Variants in NCALD observed in about 807,000 individuals in gnomAD.
NCALD encodes the protein neurocalcin-delta.
NCALD carries 10 observed loss-of-function variants against 18.6 expected under a neutral mutation model. The observed-to-expected ratio is 0.54, with a 90% CI of 0.33 to 0.91. The LOEUF is 0.91. Among genes scored for constraint, NCALD ranks in the 40% least tolerant of loss-of-function variants. NCALD has a pLI of 0.03. For missense variants in NCALD, 184 were observed against 247.6 expected, an observed-to-expected ratio of 0.74 and a Z score of 1.72; for synonymous variants, 88 against 87.4, an observed-to-expected ratio of 1.01 and a Z score of -0.04.
At chr8:101,960,268 T>C (rs1819789275) in intron 2 of NCALD, among the ~76,000 whole-genome samples, 1 of 152,274 alleles carries the variant, frequency 6.6e-6, no homozygotes, top group East Asian at 1.9e-4. Context: ...AAAAAACTCA[T>C]TGAAGTAGCT....
intron 2 of NCALD, among the ~76,000 whole-genome samples, chr8:101,956,598 GGAGA>G (rs146847752): frequency 6.6e-6 from 1 of 151,310 alleles, no homozygotes; most frequent in Non-Finnish European, 1.5e-5. Flanking sequence ...AGAGGGAGGT[GGAGA>G]GAGAGAGAGA....
intron 2 of NCALD, among the ~76,000 whole-genome samples, chr8:101,944,219 C>T (rs1819078291): frequency 6.6e-6 from 1 of 152,186 alleles, no homozygotes; most frequent in African/African-American, 2.4e-5. Flanking sequence ...GTCTTTGTCA[C>T]GGGCAAGTCC....
At chr8:101,808,894 A>AGG (rs1479994784) in intron 4 of NCALD, among the ~76,000 whole-genome samples, 4 of 152,028 alleles carry the variant, frequency 2.6e-5, no homozygotes, top group Non-Finnish European at 4.4e-5. Flanking sequence ...AAAGAGAGAG[A>AGG]GGGAGAGAGA....
intron 1 of NCALD, among the ~76,000 whole-genome samples, chr8:101,739,322 T>C (rs1810083117): frequency 6.6e-6 from 1 of 152,206 alleles, no homozygotes; most frequent in Non-Finnish European, 1.5e-5. Flanking sequence ...CTCTACATTT[T>C]GGGTTGCCTT....
intron 2 of NCALD, among the ~76,000 whole-genome samples, chr8:101,702,076 G>C (rs1225245049): frequency 6.6e-6 from 1 of 152,040 alleles, no homozygotes; most frequent in Non-Finnish European, 1.5e-5. Flanking sequence ...GAGACAAGCA[G>C]GAGCCCCACG....
rs542685496 is a variant in NCALD, at chr8:102,002,829, C to T, written c.-157+17408G>A. 4.6e-4 allele frequency among the ~76,000 whole-genome samples: 70 copies of T among 152,060 alleles called. 1 individual carries two copies. In the Middle Eastern group the frequency reaches 0.014, roughly 30 times the overall value. On this transcript the variant is annotated intron_variant, in intron 2 of 6. Transcript: ENST00000311028. ...AAATAAAGATGTTCTTTGAAACCAA[C>T]GAGAACAAAGACACAACATACCAGA... is the stretch of plus-strand genomic sequence containing the variant.
chr8:101,906,501 G>A (rs1817616783), intron 3 of NCALD, among the ~76,000 whole-genome samples: 2 of 152,154 alleles, frequency 1.3e-5, no homozygotes, highest in African/African-American at 4.8e-5. Context: ...AAAACAAATG[G>A]GTGGGCCTGT....
intron 1 of NCALD, among the ~76,000 whole-genome samples, chr8:102,056,408 A>G (rs1456881412): frequency 1.3e-5 from 2 of 152,232 alleles, no homozygotes; most frequent in Admixed American, 6.5e-5. Flanking sequence ...TGGCGATAAT[A>G]TATGCCTCCC....
chr8:101,725,301 GA>G (rs1444894409), intron 1 of NCALD, among the ~76,000 whole-genome samples: 1 of 152,200 alleles, frequency 6.6e-6, no homozygotes, highest in Non-Finnish European at 1.5e-5. Flanking sequence ...ACAGACTGTG[GA>G]TAGACATGGC....
At chr8:101,765,853 A>G (rs540302304) in intron 1 of NCALD, among the ~76,000 whole-genome samples, 5 of 152,350 alleles carry the variant, frequency 3.3e-5, no homozygotes, top group Middle Eastern at 3.4e-3. Context: ...TTTGCTTAGC[A>G]TACAGATCTC....
rs530439992 is a variant in NCALD at position 101,692,778 on chromosome 8, C to T, written c.484+13G>A. 16 of 1,603,988 alleles carry T rather than the reference C, an allele frequency of 1.0e-5. No individual in the cohort carries two copies. In the Admixed American group the frequency reaches 2.3e-4, roughly 23 times the overall value. ...CCCCATCTGAGCAAAGCAGTGTAGC[C>T]CCCGCCTCCTACCGTCTCTATTGGT... On this transcript the variant is annotated intron_variant, in intron 3 of 3. Transcript: ENST00000220931.
At chr8:102,050,293 C>G (rs1262965329) in intron 1 of NCALD, among the ~76,000 whole-genome samples, 1 of 149,002 alleles carries the variant, frequency 6.7e-6, no homozygotes, top group African/African-American at 2.5e-5. Context: ...TTCTTCAAGT[C>G]TGTAACTTGT....
chr8:101,995,092 C>T (rs1040500866), intron 2 of NCALD, among the ~76,000 whole-genome samples: 1 of 152,134 alleles, frequency 6.6e-6, no homozygotes, highest in Non-Finnish European at 1.5e-5. Context: ...TTTATTATCT[C>T]TATTATGGTA....
chr8:101,695,231 G>T (rs1028791996), intron 2 of NCALD, among the ~76,000 whole-genome samples: 2 of 152,206 alleles, frequency 1.3e-5, no homozygotes, highest in African/African-American at 4.8e-5. Flanking sequence ...AGTTGCAGAG[G>T]TGTTGCGGGG....
rs182169452 is a variant in NCALD, at chr8:101,734,562, C to T, written c.-19-14914G>A. Among the ~76,000 whole-genome samples the T allele has an allele frequency of 2.9e-4, 44 of 152,252 alleles. No homozygotes were observed. In the East Asian group the frequency reaches 5.0e-3, roughly 17 times the overall value. The stretch of plus-strand genomic sequence containing the variant: ...CAAATTGACAATTTGTTGCCATTGA[C>T]GAGCATTTTATTTTGCTGTGGCGCC... On this transcript the variant is annotated intron_variant, in intron 1 of 3. Coordinates refer to ENST00000220931, the MANE Select transcript of NCALD (RefSeq NM_032041.3).
chr8:101,848,710 T>C (rs978016128), intron 4 of NCALD, among the ~76,000 whole-genome samples: 1 of 152,200 alleles, frequency 6.6e-6, no homozygotes, highest in African/African-American at 2.4e-5. Flanking sequence ...CAATATTAAC[T>C]TCAATTTTTT....
At chr8:102,074,717 A>G (rs1403273477) in intron 1 of NCALD, among the ~76,000 whole-genome samples, 1 of 152,062 alleles carries the variant, frequency 6.6e-6, no homozygotes, top group Non-Finnish European at 1.5e-5. Context: ...CTTCCACACA[A>G]TATTATTACT....
chr8:101,904,334 C>G (rs1472721028), intron 3 of NCALD, among the ~76,000 whole-genome samples: 1 of 152,152 alleles, frequency 6.6e-6, no homozygotes, highest in Admixed American at 6.5e-5. Flanking sequence ...ATCATGCACT[C>G]TCATAGCACA....
chr8:101,728,995 G>A lies in NCALD; in HGVS notation c.-19-9347C>T, dbSNP rs78789922. On this transcript the variant is annotated intron_variant, in intron 1 of 3. Coordinates refer to ENST00000220931, the MANE Select transcript of NCALD (RefSeq NM_032041.3). ...AAATATAAGGAAGAGAACTATCAAA[G>A]TTGTGGATGAAGAGGAGTATGTGTT... Among the ~76,000 whole-genome samples, 1,226 of 152,340 alleles carry A rather than the reference G, an allele frequency of 8.0e-3. 17 individuals are homozygous for A. The highest frequency in any genetic ancestry group is 0.043 in the East Asian group (222 of 5,188).
Sources: gnomAD v4.1 joint callset for allele counts (sites outside exome capture counted in the v4.1 genomes callset) on GRCh38, gnomAD v4.1.1 for gene constraint, MANE v1.5 for transcripts, NCBI Gene and HGNC (gene_info 2026-07-23, HGNC 2026-07-21) for gene names.